ARID2: variants seen among roughly 807,000 people sequenced by gnomAD.
The protein encoded by ARID2 is AT-rich interaction domain 2.
In ARID2, 32 loss-of-function variants were observed where a neutral mutation model predicts 184.6. That is an observed-to-expected ratio of 0.17 (90% CI 0.13 to 0.23). ARID2 has a LOEUF of 0.23. ARID2 is among the 10% of genes least tolerant of loss of function. ARID2 has a pLI of 1.00. For missense variants in ARID2, 1,696 were observed against 2,197.6 expected (o/e 0.77, Z 4.56); for synonymous variants, 836 against 772.6 (o/e 1.08, Z -1.36).
At chr12:45,834,626 C>G (rs758225300) in intron 6 of ARID2, among the ~76,000 whole-genome samples, 3 of 152,122 alleles carry the variant, frequency 2.0e-5, no homozygotes, top group Non-Finnish European at 4.4e-5. Flanking sequence ...ACCTATAATC[C>G]CAGCTACTTG....
At chr12:45,884,068 TA>T (rs1944145570) in intron 16 of ARID2, among the ~76,000 whole-genome samples, 1 of 152,232 alleles carries the variant, frequency 6.6e-6, no homozygotes, top group African/African-American at 2.4e-5. Context: ...CACTTATTTT[TA>T]TTTTATCTCC....
intron 3 of ARID2, among the ~76,000 whole-genome samples, chr12:45,810,375 A>G (rs1942684038): frequency 1.3e-5 from 2 of 152,166 alleles, no homozygotes; most frequent in African/African-American, 4.8e-5. Context: ...TGTCTTATAA[A>G]TTGGTCAAAA....
chr12:45,772,507 C>T (rs1457111856), intron 3 of ARID2, among the ~76,000 whole-genome samples: 1 of 152,116 alleles, frequency 6.6e-6, no homozygotes, highest in African/African-American at 2.4e-5. Context: ...CTACAGGAGA[C>T]ACACTTCAGA....
At chr12:45,763,893 T>A (rs990221581) in intron 3 of ARID2, among the ~76,000 whole-genome samples, 1 of 152,170 alleles carries the variant, frequency 6.6e-6, no homozygotes, top group Admixed American at 6.5e-5. Flanking sequence ...TTGGGATGAT[T>A]ATACAGAGCC....
chr12:45,849,114 A>C, intron 13 of ARID2, 144 bp downstream of exon 13: 1 of 850,830 alleles, frequency 1.2e-6, no homozygotes. Flanking sequence ...AGTGTGGTGG[A>C]GGTTTAAATA....
chr12:45,861,758 T>G (rs1303335494), intron 16 of ARID2, among the ~76,000 whole-genome samples: 2 of 147,556 alleles, frequency 1.4e-5, no homozygotes, highest in African/African-American at 2.5e-5. Context: ...CTAATTTTTG[T>G]TTTTTTTTTC....
chr12:45,748,344 T>G (rs12423797), intron 3 of ARID2, among the ~76,000 whole-genome samples: 22,584 of 152,194 alleles, frequency 0.15, 2,024 homozygotes, highest in Admixed American at 0.21. Flanking sequence ...TGAGCCATGA[T>G]TGTGCCACTG....
chr12:45,782,152 G>A (rs1419585336), intron 3 of ARID2, among the ~76,000 whole-genome samples: 4 of 151,978 alleles, frequency 2.6e-5, no homozygotes, highest in Non-Finnish European at 5.9e-5. Flanking sequence ...TGAAATTGTG[G>A]AATTGGATTT....
In ARID2 at chr12:45,778,970, A is replaced by G. The variant is rs1459650703; in HGVS notation, c.285-32448A>G. Among the ~76,000 whole-genome samples, 3 of 152,124 alleles carry G rather than the reference A, an allele frequency of 2.0e-5. No individual in the cohort carries two copies. In the East Asian group the frequency reaches 5.8e-4, roughly 29 times the overall value. On this transcript the variant is annotated intron_variant, in intron 3 of 20. Transcript: ENST00000334344. ...AATTTTTAAAATTGGCATCACTCAT[A>G]TCTTTATTAGTTTTTTAACCTATTA...
At chr12:45,835,934 A>T (rs545185628) in intron 6 of ARID2, among the ~76,000 whole-genome samples, 4 of 151,950 alleles carry the variant, frequency 2.6e-5, no homozygotes, top group Admixed American at 6.6e-5. Context: ...AGAAATGTCA[A>T]ATTTCCAGTA....
intron 15 of ARID2, 150 bp downstream of exon 15, chr12:45,853,046 T>A (rs1398493069): frequency 1.1e-5 from 14 of 1,239,944 alleles, no homozygotes; most frequent in Non-Finnish European, 1.3e-5. Flanking sequence ...TTTTCTCTGG[T>A]TTTGTAATAT....
intron 1 of ARID2, 43 bp downstream of exon 1, chr12:45,729,971 C>T: frequency 1.2e-6 from 2 of 1,604,456 alleles, no homozygotes; most frequent in Non-Finnish European, 1.7e-6. Context: ...CGAGCCGGGG[C>T]GAACGGGGCT....
intron 3 of ARID2, among the ~76,000 whole-genome samples, chr12:45,769,640 T>C (rs1173950647): frequency 6.6e-6 from 1 of 152,186 alleles, no homozygotes; most frequent in African/African-American, 2.4e-5. Context: ...ACATTTTTCT[T>C]TCATTGCCAA....
intron 3 of ARID2, among the ~76,000 whole-genome samples, chr12:45,741,555 T>G (rs1445544325): frequency 3.3e-5 from 5 of 151,980 alleles, no homozygotes; most frequent in African/African-American, 1.2e-4. Flanking sequence ...TATTTATTAG[T>G]TAGGTTTTTA....
intron 16 of ARID2, among the ~76,000 whole-genome samples, chr12:45,864,003 A>G (rs1435866772): frequency 2.0e-5 from 3 of 151,694 alleles, no homozygotes; most frequent in African/African-American, 7.3e-5. Context: ...CTACAGGTGC[A>G]TGCCGCCACA....
chr12:45,794,835 AG>A lies in ARID2; in HGVS notation c.285-16582del, dbSNP rs368013459. On this transcript the variant is annotated intron_variant, in intron 3 of 20. Transcript: ENST00000334344. Reference sequence around the variant, plus strand: ...GAATCTAATTTATAAATTATGTGGTAGAACTGACTCTGAAAAAGAATTTTCT... The same window carrying A: ...GAATCTAATTTATAAATTATGTGGTAAACTGACTCTGAAAAAGAATTTTCT... Among the ~76,000 whole-genome samples the A allele has an allele frequency of 7.9e-5, 12 of 152,326 alleles. No homozygotes were observed. In the East Asian group the frequency reaches 2.3e-3, roughly 29 times the overall value.
intron 9 of ARID2, 40 bp downstream of exon 9, chr12:45,837,457 A>G (rs764281153): frequency 1.9e-6 from 3 of 1,610,188 alleles, no homozygotes; most frequent in African/African-American, 1.3e-5. Flanking sequence ...AAAGTAAACA[A>G]ACTATCATTT....
chr12:45,747,030 A>G (rs956420641), intron 3 of ARID2, among the ~76,000 whole-genome samples: 2 of 152,090 alleles, frequency 1.3e-5, no homozygotes, highest in East Asian at 1.9e-4. Context: ...CAGCCTCCCA[A>G]AGTGTTGGGA....
intron 16 of ARID2, among the ~76,000 whole-genome samples, chr12:45,889,925 A>G (rs1297313707): frequency 2.0e-5 from 3 of 152,210 alleles, no homozygotes; most frequent in Admixed American, 2.0e-4. Context: ...GTGACAGAGC[A>G]AGACTCTGTC....
Sources: gnomAD v4.1 joint callset for allele counts (sites outside exome capture counted in the v4.1 genomes callset) on GRCh38, gnomAD v4.1.1 for gene constraint, MANE v1.5 for transcripts, NCBI Gene and HGNC (gene_info 2026-07-23, HGNC 2026-07-21) for gene names.